The following CABLES1 variants were observed in gnomAD, a reference collection of about 807,000 sequenced individuals.
CABLES1 encodes Cdk5 and Abl enzyme substrate 1.
In CABLES1, 36 loss-of-function variants were observed where a neutral mutation model predicts 57.8. The ratio of observed to expected loss-of-function variants is 0.62; its 90% CI spans 0.48 to 0.82. The LOEUF (loss-of-function observed/expected upper bound fraction) is 0.82, where lower values mean the gene tolerates loss of function less well. Ranked by LOEUF, CABLES1 falls within the 40% of genes least tolerant of loss-of-function variation. CABLES1 has a pLI of 0.00. For missense variants in CABLES1, 767 were observed against 836.6 expected (o/e 0.92, Z 1.03); for synonymous variants, 374 against 363.0 (o/e 1.03, Z -0.35).
rs1365954998 is a variant in CABLES1, at chr18:23,234,626, A to G, written c.1107A>G (p.Gly369=). ...CTCCCAGGGACTTGAAGTTGGACGG[A>G]GGAAGACAATCAACTGGTGCAGTGA... ...STQVGDLKLD[G]GRQSTGAVSL... is the part of the protein sequence containing the mutation. The change falls in exon 5 of 10, where the codon GGA becomes GGG. Residue 369 remains glycine, a synonymous_variant. Coordinates refer to ENST00000256925, the MANE Select transcript of CABLES1 (RefSeq NM_001100619.3). The G allele has an allele frequency of 6.2e-7, 1 of 1,613,764 alleles. No individual in the cohort carries two copies.
chr18:23,136,435 T>C lies in CABLES1; in HGVS notation c.673T>C (p.Leu225=), dbSNP rs1279476200. 5 of 1,602,912 alleles carry C rather than the reference T, an allele frequency of 3.1e-6. No individual in the cohort carries two copies. The highest frequency in any genetic ancestry group is 2.3e-5 in the East Asian group (1 of 43,552). ...ISVQVPAAAF[L]GSGTPGSGSG... Reference sequence around the variant, plus strand: ...CGTGCAGGTGCCGGCGGCCGCCTTTTTGGGCTCCGGGACCCCCGGGAGTGG... The same window carrying C: ...CGTGCAGGTGCCGGCGGCCGCCTTTCTGGGCTCCGGGACCCCCGGGAGTGG... The change falls in exon 1 of 10, where the codon TTG becomes CTG. Residue 225 remains leucine, a synonymous_variant. Coordinates refer to ENST00000256925, the MANE Select transcript of CABLES1 (RefSeq NM_001100619.3).
Position 23,182,881 on chromosome 18 carries a change from C to T in CABLES1, c.846-5957C>T, listed in dbSNP as rs566058482. The stretch of plus-strand genomic sequence containing the variant: ...CTGGTTGGCAGGGACAGCAGTGAGG[C>T]GCTCACCTGTCTCTCAGCGCTTTCT... On this transcript the variant is annotated intron_variant, in intron 1 of 9. Coordinates refer to ENST00000256925, the MANE Select transcript of CABLES1 (RefSeq NM_001100619.3). Among the ~76,000 whole-genome samples, 101 of 152,206 alleles carry T rather than the reference C, an allele frequency of 6.6e-4. 1 individual carries two copies. Among genetic ancestry groups the T allele is most frequent in the Non-Finnish European group, 5.1e-4 (35 of 68,032 alleles).
intron 9 of CABLES1, among the ~76,000 whole-genome samples, chr18:23,255,677 C>T (rs550965254): frequency 3.3e-5 from 5 of 151,844 alleles, no homozygotes; most frequent in Admixed American, 1.3e-4. Context: ...CTCCCATCTC[C>T]GCCTCCCAAG....
intron 4 of CABLES1, among the ~76,000 whole-genome samples, chr18:23,231,765 G>A (rs1022765693): frequency 6.6e-6 from 1 of 150,726 alleles, no homozygotes; most frequent in Admixed American, 7.0e-5. Flanking sequence ...ACGAGCACAT[G>A]ACTATATTTT....
chr18:23,238,384 A>G (rs1389299372), intron 7 of CABLES1, among the ~76,000 whole-genome samples: 1 of 152,244 alleles, frequency 6.6e-6, no homozygotes, highest in East Asian at 1.9e-4. Flanking sequence ...CGTATGCCAC[A>G]CGGCGTCAGA....
chr18:23,212,792 A>G (rs991366714), intron 3 of CABLES1, among the ~76,000 whole-genome samples: 2 of 152,184 alleles, frequency 1.3e-5, no homozygotes, highest in Non-Finnish European at 2.9e-5. Flanking sequence ...AACTCCATGA[A>G]GAGGGGCAGG....
chr18:23,250,515 G>A (rs544327886), intron 7 of CABLES1, among the ~76,000 whole-genome samples: 54 of 152,312 alleles, frequency 3.5e-4, no homozygotes, highest in African/African-American at 1.3e-3. Context: ...TAACCCAGAG[G>A]AGACATTTGT....
chr18:23,168,843 G>C (rs1248221980), intron 1 of CABLES1, among the ~76,000 whole-genome samples: 1 of 152,110 alleles, frequency 6.6e-6, no homozygotes, highest in African/African-American at 2.4e-5. Flanking sequence ...TGTACTAATA[G>C]GGAACCTTGC....
chr18:23,178,726 C>G (rs1013245584), intron 1 of CABLES1, among the ~76,000 whole-genome samples: 1 of 152,138 alleles, frequency 6.6e-6, no homozygotes, highest in Non-Finnish European at 1.5e-5. Flanking sequence ...CTCTAAATAG[C>G]CCCATATACC....
intron 1 of CABLES1, among the ~76,000 whole-genome samples, chr18:23,150,273 A>T (rs377167960): frequency 7.5e-6 from 1 of 132,586 alleles, no homozygotes; most frequent in African/African-American, 3.0e-5. Flanking sequence ...CAGTGGCGCG[A>T]TCTTGGCTCA....
chr18:23,141,611 C>T (rs2046858270), intron 1 of CABLES1, among the ~76,000 whole-genome samples: 1 of 152,194 alleles, frequency 6.6e-6, no homozygotes, highest in Non-Finnish European at 1.5e-5. Flanking sequence ...AGCCCCAGGC[C>T]AGGCGGGGGC....
chr18:23,170,139 G>A (rs1245365212), intron 1 of CABLES1, among the ~76,000 whole-genome samples: 1 of 152,202 alleles, frequency 6.6e-6, no homozygotes, highest in African/African-American at 2.4e-5. Flanking sequence ...CCATGTGGAT[G>A]TACATATTGT....
chr18:23,213,922 G>T, intron 3 of CABLES1, 55 bp from the exon 4 acceptor site: 1 of 1,275,900 alleles, frequency 7.8e-7, no homozygotes, highest in South Asian at 1.3e-5. Flanking sequence ...TTGTTTTTTA[G>T]TTTGATTCTT....
At chr18:23,171,457 C>T (rs1385457443) in intron 1 of CABLES1, among the ~76,000 whole-genome samples, 2 of 152,234 alleles carry the variant, frequency 1.3e-5, no homozygotes, top group East Asian at 1.9e-4. Flanking sequence ...TGCCTTGAGC[C>T]TTGCCATGGT....
chr18:23,185,565 C>A (rs2047196884), intron 1 of CABLES1, among the ~76,000 whole-genome samples: 2 of 152,148 alleles, frequency 1.3e-5, no homozygotes, highest in Non-Finnish European at 2.9e-5. Context: ...GCCTGGGCAG[C>A]ATCTGTGCTG....
In CABLES1 at chr18:23,239,831, CAGG is replaced by C. The variant is rs577917476; in HGVS notation, c.1446+2589_1446+2591del. On this transcript the variant is annotated intron_variant, in intron 7 of 9. Coordinates refer to ENST00000256925, the MANE Select transcript of CABLES1 (RefSeq NM_001100619.3). Reference sequence around the variant, plus strand: ...GGAAGGAACCATCTTAGAAAAGCAGCAGGAGACCAGGCATGGTGGCTCACGCCT... The same window carrying C: ...GGAAGGAACCATCTTAGAAAAGCAGCAGACCAGGCATGGTGGCTCACGCCT... 3.2e-3 allele frequency among the ~76,000 whole-genome samples: 481 copies of C among 152,248 alleles called. 2 individuals are homozygous for C. The highest frequency in any genetic ancestry group is 5.8e-3 in the Non-Finnish European group (395 of 68,020).
In CABLES1 at chr18:23,136,263, G is replaced by C; in HGVS notation, c.501G>C (p.Ala167=). The change falls in exon 1 of 10, where the codon GCG becomes GCC. Residue 167 remains alanine, a synonymous_variant. Coordinates refer to ENST00000256925, the MANE Select transcript of CABLES1 (RefSeq NM_001100619.3). The stretch of plus-strand genomic sequence containing the variant: ...GCCCCGGGGTGGCGCGGGGGTTCGC[G>C]AGTCCCCTGGGCGCCGGCCGGGCGT... The part of the protein sequence containing the change: ...VSGPGVARGF[A]SPLGAGRASG... The C allele has an allele frequency of 7.5e-7, 1 of 1,331,150 alleles. No homozygotes were observed. The highest frequency in any genetic ancestry group is 9.6e-7 in the Non-Finnish European group (1 of 1,046,474). The allele number at this position is 1,331,150 out of a possible 1,614,324, so 82.5% of individuals were successfully genotyped here.
chr18:23,210,600 G>A (rs537057512), intron 3 of CABLES1, among the ~76,000 whole-genome samples: 163 of 152,238 alleles, frequency 1.1e-3, no homozygotes, highest in African/African-American at 3.4e-3. Context: ...TAAACATAAC[G>A]GTTGATCACA....
At chr18:23,188,931 G>A (rs902805834) in intron 2 of CABLES1, 22 bp downstream of exon 2, 2 of 1,546,142 alleles carry the variant, frequency 1.3e-6, no homozygotes, top group Admixed American at 3.4e-5. Context: ...TTTCATTTAT[G>A]TATATGTAAA....
Sources: allele counts gnomAD v4.1 joint callset (sites outside exome capture counted in the v4.1 genomes callset), GRCh38; gene constraint gnomAD v4.1.1; transcripts MANE v1.5; gene names NCBI Gene and HGNC (gene_info 2026-07-23, HGNC 2026-07-21).